NCF2: variants seen among roughly 807,000 people sequenced by gnomAD.
NCF2 encodes the protein neutrophil cytosol factor 2.
In NCF2, 45 loss-of-function variants were observed where a neutral mutation model predicts 70.9. That is an observed-to-expected ratio of 0.63 (90% CI 0.50 to 0.81). NCF2 has a LOEUF of 0.81. NCF2 is among the 40% of genes least tolerant of loss of function. The pLI, the probability that NCF2 is intolerant of heterozygous loss-of-function variation, is 0.00. For missense variants in NCF2, 522 were observed against 631.6 expected, an observed-to-expected ratio of 0.83 and a Z score of 1.86; for synonymous variants, 203 against 233.6, an observed-to-expected ratio of 0.87 and a Z score of 1.19.
chr1:183,596,305 A>G, the NCF2 span, among the ~76,000 whole-genome samples: 3 of 150,834 alleles, frequency 2.0e-5, no homozygotes, highest in East Asian at 5.8e-4. Flanking sequence ...CTATTCATTT[A>G]AAGACACCTC....
At chr1:183,570,664 G>T in intron 6 of NCF2, 116 bp downstream of exon 6, 2 of 1,049,088 alleles carry the variant, frequency 1.9e-6, no homozygotes, top group Non-Finnish European at 1.5e-6. Context: ...TGCACTGAGG[G>T]CCACTTGAAG....
At chr1:183,561,008 T>C (rs1355063361) in intron 13 of NCF2, among the ~76,000 whole-genome samples, 1 of 152,222 alleles carries the variant, frequency 6.6e-6, no homozygotes, top group African/African-American at 2.4e-5. Context: ...TGAAGGTGAA[T>C]CCTGCAATCT....
chr1:183,570,937 A>G, intron 5 of NCF2, 98 bp from the exon 6 acceptor site: 1 of 1,235,564 alleles, frequency 8.1e-7, no homozygotes, highest in Non-Finnish European at 1.2e-6. Context: ...TTCTTACGTG[A>G]GCCTGGTTTC....
At chr1:183,595,191 T>C (rs964326114), upstream of NCF2, among the ~76,000 whole-genome samples, 4 of 152,160 alleles carry the variant, frequency 2.6e-5, no homozygotes, top group Non-Finnish European at 1.5e-5. Flanking sequence ...GAGTAGATAG[T>C]TTCATTGAGT....
upstream of NCF2, among the ~76,000 whole-genome samples, chr1:183,594,195 C>T (rs1451966200): frequency 6.6e-6 from 1 of 152,166 alleles, no homozygotes; most frequent in African/African-American, 2.4e-5. Context: ...CCCTTGAGGT[C>T]AGGAGTTAGA....
In NCF2 at chr1:183,581,721, T is replaced by C. The variant is rs578169887; in HGVS notation, c.258-4014A>G. ...TCTCGCTCTGTTGCCCTGGCTGGAG[T>C]GCAGTGGCGCGATCTCGGCTCACTG... On this transcript the variant is annotated intron_variant, in intron 2 of 14. Coordinates refer to ENST00000367535, the MANE Select transcript of NCF2 (RefSeq NM_000433.4). 5.3e-4 allele frequency among the ~76,000 whole-genome samples: 80 copies of C among 151,298 alleles called. 1 individual carries two copies. Among genetic ancestry groups the C allele is most frequent in the Admixed American group, 1.6e-3 (25 of 15,200 alleles).
At chr1:183,574,442 A>G (rs368172858) in intron 4 of NCF2, 45 bp downstream of exon 4, 26 of 1,613,894 alleles carry the variant, frequency 1.6e-5, no homozygotes, top group Middle Eastern at 3.3e-4. Flanking sequence ...GACAAATGAG[A>G]ATCCAGTGAC....
intron 13 of NCF2, 26 bp downstream of exon 13, chr1:183,563,169 C>A (rs1558092141): frequency 6.2e-7 from 1 of 1,602,770 alleles, no homozygotes; most frequent in Admixed American, 1.7e-5. Context: ...GGAAATGTAA[C>A]TTTAGATGCC....
At chr1:183,569,020 A>C (rs909174356) in intron 7 of NCF2, 122 bp downstream of exon 7, 38 of 913,106 alleles carry the variant, frequency 4.2e-5, no homozygotes, top group Non-Finnish European at 6.7e-5. Context: ...GAAGCCTGAC[A>C]TTCCAGAAAA....
chr1:183,591,895 G>A (rs1328000004), upstream of NCF2, among the ~76,000 whole-genome samples: 1 of 152,196 alleles, frequency 6.6e-6, no homozygotes, highest in Non-Finnish European at 1.5e-5. Flanking sequence ...CCATCTTCCA[G>A]TGAAAAATTG....
rs1672170931 is a variant in NCF2, at chr1:183,563,541, G to A, written c.1071C>T (p.His357=). Residue 357 remains histidine, a synonymous_variant, in exon 12 of 15, where the codon CAC becomes CAT. Coordinates refer to ENST00000367535, the MANE Select transcript of NCF2 (RefSeq NM_000433.4). ...TCTTCATGACTACCGTGTACTTGTA[G>A]TGCACCTTGAGTGTGTAGGGCATGG... ...SVPMPYTLKV[H]YKYTVVMKTQ... is the part of the protein sequence containing the mutation. 4 of 1,614,074 alleles carry A rather than the reference G, an allele frequency of 2.5e-6. No individual in the cohort carries two copies. The highest frequency in any genetic ancestry group is 3.4e-6 in the Non-Finnish European group (4 of 1,180,018).
chr1:183,564,961 A>G (rs1672237899), intron 10 of NCF2, among the ~76,000 whole-genome samples: 1 of 152,234 alleles, frequency 6.6e-6, no homozygotes, highest in African/African-American at 2.4e-5. Context: ...GAGCAGGGCG[A>G]GTTCATGGTG....
intron 13 of NCF2, among the ~76,000 whole-genome samples, chr1:183,562,480 G>A (rs1047973489): frequency 1.3e-5 from 2 of 152,102 alleles, no homozygotes; most frequent in Non-Finnish European, 2.9e-5. Context: ...ATTTCCTGAA[G>A]GCAATTTTCT....
At chr1:183,567,141 CAG>C in intron 8 of NCF2, 61 bp downstream of exon 8, 7 of 1,612,268 alleles carry the variant, frequency 4.3e-6, no homozygotes, top group Non-Finnish European at 5.9e-6. Context: ...TACTGCTCCA[CAG>C]AGACTGCATT....
chr1:183,582,243 G>A (rs546593253), intron 2 of NCF2, among the ~76,000 whole-genome samples: 3 of 152,310 alleles, frequency 2.0e-5, no homozygotes, highest in South Asian at 4.1e-4. Context: ...GGTTCTCTTC[G>A]TGGCCATTTG....
At chr1:183,571,896 A>G (rs1005991099) in intron 5 of NCF2, among the ~76,000 whole-genome samples, 2 of 152,220 alleles carry the variant, frequency 1.3e-5, no homozygotes, top group African/African-American at 4.8e-5. Flanking sequence ...TAATGTTTTC[A>G]AGGTCCATCC....
chr1:183,578,701 TG>T (rs1672918798), intron 2 of NCF2, among the ~76,000 whole-genome samples: 1 of 152,206 alleles, frequency 6.6e-6, no homozygotes, highest in Non-Finnish European at 1.5e-5. Context: ...CCCACTGCCT[TG>T]TGCTGCTGGA....
chr1:183,562,468 G>A (rs1229911902), intron 13 of NCF2, among the ~76,000 whole-genome samples: 1 of 152,068 alleles, frequency 6.6e-6, no homozygotes, highest in East Asian at 1.9e-4. Flanking sequence ...CCCAGTGGCT[G>A]TATTTCCTGA....
chr1:183,581,294 A>G (rs111280908), intron 2 of NCF2, among the ~76,000 whole-genome samples: 3 of 132,512 alleles, frequency 2.3e-5, no homozygotes, highest in Non-Finnish European at 4.6e-5. Flanking sequence ...AAAAAAAAAA[A>G]AAAGAAAGAA....
Sources: gnomAD v4.1 joint callset for allele counts (sites outside exome capture counted in the v4.1 genomes callset) on GRCh38, gnomAD v4.1.1 for gene constraint, MANE v1.5 for transcripts, NCBI Gene and HGNC (gene_info 2026-07-23, HGNC 2026-07-21) for gene names.